Variants in FOCAD observed in about 807,000 individuals in gnomAD.
The protein encoded by FOCAD is focadhesin, also known as KIAA1797.
A neutral mutation model predicts 225.6 loss-of-function variants in FOCAD; 198 were observed. The ratio of observed to expected loss-of-function variants is 0.88; its 90% CI spans 0.78 to 0.99. FOCAD has a LOEUF of 0.99. Ranked by LOEUF, FOCAD falls within the 50% of genes least tolerant of loss-of-function variation. The probability of loss-of-function intolerance (pLI) is 0.00; values close to 1 mark genes in which losing one functional copy is unlikely to be tolerated. For synonymous variants in FOCAD, 897 were observed against 755.0 expected (o/e 1.19, Z -3.08); for missense variants, 2,713 against 2,123.6 (o/e 1.28, Z -5.46).
At chr9:20,701,575 T>C (rs1005042916) in intron 1 of FOCAD, among the ~76,000 whole-genome samples, 2 of 152,360 alleles carry the variant, frequency 1.3e-5, no homozygotes, top group East Asian at 1.9e-4. Flanking sequence ...AGATTGACAA[T>C]TGTCGTGATG....
At chr9:20,661,789 T>G (rs1821734764) in intron 2 of FOCAD, among the ~76,000 whole-genome samples, 1 of 152,238 alleles carries the variant, frequency 6.6e-6, no homozygotes, top group African/African-American at 2.4e-5. Flanking sequence ...TCAGAAATTC[T>G]ACTTCTGTCA....
At position 20,990,243 on chromosome 9, in the gene FOCAD, G is replaced by C; in HGVS notation, c.5125G>C (p.Ala1709Pro). The C allele has an allele frequency of 6.2e-7, 1 of 1,614,206 alleles. No individual in the cohort carries two copies. The highest frequency in any genetic ancestry group is 8.5e-7 in the Non-Finnish European group (1 of 1,180,032). Reference protein sequence around the residue: ...WLPWHQENGPAGPVPSFLGRS... With the variant: ...WLPWHQENGPPGPVPSFLGRS... The stretch of plus-strand genomic sequence containing the variant: ...GCCATGGCATCAGGAGAATGGCCCG[G>C]CTGGGCCAGTACCAAGCTTCCTTGG... The change falls in exon 42 of 44, where the codon GCT (alanine) becomes CCT (proline). Residue 1709 changes from alanine (A) to proline (P), a missense_variant. Ala to Pro is a conservative substitution (Grantham distance 27, BLOSUM62 -1). Transcript: ENST00000338382.
Position 20,982,442 on chromosome 9 carries a change from C to G in FOCAD, c.4724C>G (p.Thr1575Ser). 1 of 1,612,332 alleles carries G rather than the reference C, an allele frequency of 6.2e-7. No homozygotes were observed. Among genetic ancestry groups the G allele is most frequent in the Non-Finnish European group, 8.5e-7 (1 of 1,178,524 alleles). ...DDDANRIAQVTKSNIEKAAFV... is the reference protein window; with the variant it reads ...DDDANRIAQVSKSNIEKAAFV... ...GATGCCAATCGGATCGCCCAGGTTA[C>G]TAAGGTAATAACATATCTTTCTATA... The change falls in exon 39 of 44, where the codon ACT (threonine) becomes AGT (serine). Residue 1575 changes from threonine to serine, a missense_variant. Coordinates refer to ENST00000338382, the MANE Select transcript of FOCAD (RefSeq NM_001375567.1).
At chr9:20,931,602 TC>T (rs1026916333) in intron 27 of FOCAD, among the ~76,000 whole-genome samples, 1 of 152,212 alleles carries the variant, frequency 6.6e-6, no homozygotes, top group African/African-American at 2.4e-5. Context: ...CCCAATGTGG[TC>T]CTTTAATGGG....
chr9:20,796,087 A>G (rs1277391562), intron 11 of FOCAD, among the ~76,000 whole-genome samples: 1 of 151,476 alleles, frequency 6.6e-6, no homozygotes, highest in African/African-American at 2.4e-5. Flanking sequence ...TTCTTGCGAT[A>G]GTTTGCTGAG....
intron 7 of FOCAD, among the ~76,000 whole-genome samples, chr9:20,765,624 T>TGA (rs2130957805): frequency 6.6e-6 from 1 of 152,298 alleles, no homozygotes; most frequent in South Asian, 2.1e-4. Context: ...GTACATATAT[T>TGA]CTTACAATTC....
At chr9:20,898,286 G>C (rs1832272373) in intron 21 of FOCAD, among the ~76,000 whole-genome samples, 1 of 151,398 alleles carries the variant, frequency 6.6e-6, no homozygotes, top group Non-Finnish European at 1.5e-5. Flanking sequence ...ACATTAATTT[G>C]GGAGCATCTC....
chr9:20,684,849 C>T (rs1032822043), intron 1 of FOCAD, among the ~76,000 whole-genome samples: 5 of 152,228 alleles, frequency 3.3e-5, no homozygotes, highest in African/African-American at 1.2e-4. Context: ...TCCTAGTTCT[C>T]TGGCTCCGTC....
intron 10 of FOCAD, among the ~76,000 whole-genome samples, chr9:20,783,186 A>G (rs1462049048): frequency 2.0e-5 from 3 of 152,076 alleles, no homozygotes; most frequent in African/African-American, 2.4e-5. Flanking sequence ...TTGGTTTACT[A>G]TTTGCTCAGA....
intron 28 of FOCAD, among the ~76,000 whole-genome samples, chr9:20,938,569 G>T (rs1458580546): frequency 1.3e-5 from 2 of 151,958 alleles, no homozygotes; most frequent in East Asian, 3.9e-4. Flanking sequence ...TCACACACGG[G>T]GGCCTGTTGT....
intron 24 of FOCAD, among the ~76,000 whole-genome samples, chr9:20,922,616 T>G (rs543383551): frequency 2.0e-5 from 3 of 152,336 alleles, no homozygotes; most frequent in Admixed American, 2.0e-4. Context: ...GCTGAAAATC[T>G]TCCTTATCCC....
intron 1 of FOCAD, among the ~76,000 whole-genome samples, chr9:20,698,649 C>T (rs568880690): frequency 6.6e-6 from 1 of 152,244 alleles, no homozygotes; most frequent in South Asian, 2.1e-4. Flanking sequence ...GTTGGGATTA[C>T]AGGTGTGAGC....
intron 1 of FOCAD, among the ~76,000 whole-genome samples, chr9:20,685,253 G>C (rs182087044): frequency 2.7e-5 from 4 of 149,496 alleles, no homozygotes; most frequent in Non-Finnish European, 5.9e-5. Context: ...TCGTGGCTCT[G>C]AGGGTGTAAT....
At chr9:20,669,198 C>T (rs577493884) in intron 2 of FOCAD, among the ~76,000 whole-genome samples, 1 of 152,178 alleles carries the variant, frequency 6.6e-6, no homozygotes, top group South Asian at 2.1e-4. Context: ...GGTGCTCATT[C>T]TCAGGGTTGT....
chr9:20,954,678 C>G (rs551322126), intron 35 of FOCAD, among the ~76,000 whole-genome samples: 3 of 152,174 alleles, frequency 2.0e-5, no homozygotes, highest in Non-Finnish European at 4.4e-5. Context: ...TATGTGCAGT[C>G]TTGCTGAAAG....
At chr9:20,918,489 T>C (rs984713650) in intron 24 of FOCAD, among the ~76,000 whole-genome samples, 2 of 152,104 alleles carry the variant, frequency 1.3e-5, no homozygotes, top group Non-Finnish European at 2.9e-5. Context: ...TTTGGGAGGC[T>C]GAGGCGGGCG....
intron 10 of FOCAD, among the ~76,000 whole-genome samples, chr9:20,785,844 A>T (rs1285965642): frequency 6.6e-6 from 1 of 152,166 alleles, no homozygotes; most frequent in East Asian, 1.9e-4. Flanking sequence ...TGTTTTCCAA[A>T]GGGGCTGCAC....
intron 21 of FOCAD, among the ~76,000 whole-genome samples, chr9:20,891,443 G>T (rs1371652906): frequency 6.6e-6 from 1 of 152,164 alleles, no homozygotes; most frequent in Non-Finnish European, 1.5e-5. Flanking sequence ...GCAAAGAAAA[G>T]GTTCTTGAAG....
At chr9:20,670,374 G>C (rs1292119952) in intron 2 of FOCAD, among the ~76,000 whole-genome samples, 1 of 152,166 alleles carries the variant, frequency 6.6e-6, no homozygotes, top group Admixed American at 6.5e-5. Context: ...GATACCACCT[G>C]AAACTGGGTA....
Sources: allele counts gnomAD v4.1 joint callset (sites outside exome capture counted in the v4.1 genomes callset), GRCh38; gene constraint gnomAD v4.1.1; transcripts MANE v1.5; gene names NCBI Gene and HGNC (gene_info 2026-07-23, HGNC 2026-07-21).